The following LITAF variants were observed in gnomAD, a reference collection of about 807,000 sequenced individuals.
LITAF encodes lipopolysaccharide induced TNF factor.
A neutral mutation model predicts 14.5 loss-of-function variants in LITAF; 9 were observed. That is an observed-to-expected ratio of 0.62 (90% CI 0.37 to 1.08). The LOEUF (loss-of-function observed/expected upper bound fraction) is 1.08. LITAF is among the 50% of genes least tolerant of loss of function. The pLI is 0.01. For missense variants in LITAF, 206 were observed against 213.4 expected, an observed-to-expected ratio of 0.97 and a Z score of 0.22; for synonymous variants, 98 against 88.2, an observed-to-expected ratio of 1.11 and a Z score of -0.62.
intron 1 of LITAF, among the ~76,000 whole-genome samples, chr16:11,570,092 A>T (rs1277623819): frequency 3.3e-5 from 5 of 151,950 alleles, no homozygotes; most frequent in African/African-American, 1.2e-4. Flanking sequence ...AAGAGCAGAA[A>T]CTCTAAGACC....
chr16:11,557,611 G>A (rs576819555), intron 1 of LITAF, among the ~76,000 whole-genome samples: 4 of 152,054 alleles, frequency 2.6e-5, no homozygotes, highest in Admixed American at 2.6e-4. Context: ...CCCCCCGCCC[G>A]GCTAATGTTT....
chr16:11,575,148 CA>C (rs1186724490), intron 1 of LITAF, among the ~76,000 whole-genome samples: 4 of 152,084 alleles, frequency 2.6e-5, no homozygotes, highest in Non-Finnish European at 5.9e-5. Flanking sequence ...AGTTTTCCTC[CA>C]GGGGGTTCTA....
At chr16:11,552,271 T>C (rs868143853) in intron 3 of LITAF, among the ~76,000 whole-genome samples, 7 of 152,204 alleles carry the variant, frequency 4.6e-5, no homozygotes, top group South Asian at 2.1e-4. Flanking sequence ...GAAGCTACTT[T>C]TACCTGCTTG....
chr16:11,597,529 G>GT (rs1368158131), intron 1 of LITAF, among the ~76,000 whole-genome samples: 3 of 152,164 alleles, frequency 2.0e-5, no homozygotes, highest in African/African-American at 7.2e-5. Context: ...CAGGCAGGTT[G>GT]TCAAAGGTCA....
At chr16:11,593,044 G>C (rs1036463033) in intron 1 of LITAF, among the ~76,000 whole-genome samples, 3 of 152,076 alleles carry the variant, frequency 2.0e-5, no homozygotes, top group African/African-American at 7.2e-5. Flanking sequence ...TATGGCAGGC[G>C]CCTGTAGCCC....
At chr16:11,566,691 G>C (rs751308959) in intron 1 of LITAF, among the ~76,000 whole-genome samples, 12 of 152,100 alleles carry the variant, frequency 7.9e-5, no homozygotes, top group Admixed American at 3.3e-4. Context: ...TCGATCACTT[G>C]AGCCCAGGAG....
upstream of LITAF, among the ~76,000 whole-genome samples, chr16:11,588,011 G>A (rs2141846155): frequency 6.6e-6 from 1 of 152,254 alleles, no homozygotes; most frequent in South Asian, 2.1e-4. Context: ...CAGATAGGGA[G>A]TGTGGCTTGT....
rs899936654 is a variant in LITAF, at chr16:11,579,079, C to T, written c.-6+7807G>A. On this transcript the variant is annotated intron_variant, in intron 1 of 3. Transcript: ENST00000622633. ...TGGTGCGTGCCTGTAATCCCAGCTA[C>T]TCGGGAGGCTGAGGCAGGAGAGTTG... 3.3e-5 allele frequency among the ~76,000 whole-genome samples: 5 copies of T among 152,102 alleles called. No homozygotes were observed. In the South Asian group the frequency reaches 1.0e-3, roughly 32 times the overall value.
chr16:11,603,138 C>T (rs1479179261), upstream of LITAF, among the ~76,000 whole-genome samples: 4 of 152,098 alleles, frequency 2.6e-5, no homozygotes, highest in African/African-American at 9.7e-5. Flanking sequence ...AAAGGAAGAA[C>T]ACAAACAGTA....
chr16:11,578,633 C>A (rs1248229333), intron 1 of LITAF, among the ~76,000 whole-genome samples: 1 of 152,240 alleles, frequency 6.6e-6, no homozygotes, highest in Non-Finnish European at 1.5e-5. Flanking sequence ...ACTTTACTCT[C>A]TCCCTTGATA....
rs2065129170 is a variant in LITAF at position 11,634,109 on chromosome 16, CAT to C, written c.-20-474_-20-473del. Among the ~76,000 whole-genome samples the C allele has an allele frequency of 6.6e-6, 1 of 152,202 alleles. No homozygotes were observed. The highest frequency in any genetic ancestry group is 2.4e-5 in the African/African-American group (1 of 41,444). On this transcript the variant is annotated intron_variant, in intron 2 of 3. Coordinates refer to the LITAF transcript ENST00000574848. The surrounding 1 kb of genome is among the most constrained non-coding windows in gnomAD (Gnocchi z 4.1). ...AAATGGACACACAGACATGAATACA[CAT>C]GTGCAGAGACTCATATGGGCACTTA...
chr16:11,594,186 GAAA>G (rs34586225), intron 1 of LITAF, among the ~76,000 whole-genome samples: 1 of 144,018 alleles, frequency 6.9e-6, no homozygotes, highest in African/African-American at 2.5e-5. Context: ...ACCCTGTCTC[GAAA>G]AAAAAAAAAA....
intron 2 of LITAF, among the ~76,000 whole-genome samples, chr16:11,633,905 G>T (rs1021222994): frequency 6.6e-6 from 1 of 152,168 alleles, no homozygotes. Context: ...CACCTGAAAG[G>T]GTTGCTGTGA....
At position 11,548,063 on chromosome 16, in the gene LITAF, A is replaced by G. The variant is rs914274209; in HGVS notation, c.*1574T>C. On this transcript the variant is annotated 3_prime_UTR_variant, in exon 4 of 4. Transcript: ENST00000622633. Reference sequence around the variant, plus strand: ...AACACCAAAGTACTATGTGGTATCCATATTCGTTGCAAAAATGATAATTAC... The same window carrying G: ...AACACCAAAGTACTATGTGGTATCCGTATTCGTTGCAAAAATGATAATTAC... The G allele has an allele frequency of 4.4e-6, 2 of 454,026 alleles. No homozygotes were observed. The highest frequency in any genetic ancestry group is 8.8e-6 in the Non-Finnish European group (2 of 226,802). The allele number at this position is 454,026 out of a possible 1,614,324, so 28.1% of individuals were successfully genotyped here.
chr16:11,608,781 GGT>G (rs1269048532), intron 3 of LITAF, among the ~76,000 whole-genome samples: 2 of 152,218 alleles, frequency 1.3e-5, no homozygotes, highest in Admixed American at 1.3e-4. Context: ...TGGCCAACAT[GGT>G]GAAACCCTGT....
chr16:11,595,035 T>C (rs7198919), intron 1 of LITAF, among the ~76,000 whole-genome samples: 63,982 of 152,072 alleles, frequency 0.42, 14,593 homozygotes, highest in African/African-American at 0.6. Context: ...AAGTTGCTTA[T>C]TGAAAAAAAC....
intron 3 of LITAF, among the ~76,000 whole-genome samples, chr16:11,551,370 C>T (rs565164458): frequency 5.3e-5 from 8 of 152,244 alleles, no homozygotes; most frequent in Admixed American, 2.6e-4. Context: ...CCCGCACCCC[C>T]GTCTACAGAT....
At chr16:11,635,069 TAAAATAA>T (rs1567269978) in intron 2 of LITAF, among the ~76,000 whole-genome samples, 2 of 77,798 alleles carry the variant, frequency 2.6e-5, no homozygotes, top group Admixed American at 1.1e-4. Context: ...TAAAATAAAA[TAAAATAA>T]AATAAAATAA....
At chr16:11,585,960 C>G (rs1280672912) in intron 1 of LITAF, among the ~76,000 whole-genome samples, 1 of 152,208 alleles carries the variant, frequency 6.6e-6, no homozygotes. Context: ...CTGGCCCTTC[C>G]AGAACATACA....
Sources: allele counts gnomAD v4.1 joint callset (sites outside exome capture counted in the v4.1 genomes callset), GRCh38; gene constraint gnomAD v4.1.1; non-coding constraint Gnocchi (gnomAD v3.1); transcripts MANE v1.5; gene names NCBI Gene and HGNC (gene_info 2026-07-23, HGNC 2026-07-21).